EMC3: variants seen among roughly 807,000 people sequenced by gnomAD.
EMC3 encodes ER membrane protein complex subunit 3.
In EMC3, 13 loss-of-function variants were observed where a neutral mutation model predicts 36.6. The ratio of observed to expected loss-of-function variants is 0.35; its 90% confidence interval spans 0.23 to 0.56. The LOEUF is 0.56. Among genes scored for constraint, EMC3 ranks in the 20% least tolerant of loss-of-function variants. The pLI, the probability that EMC3 is intolerant of heterozygous loss-of-function variation, is 0.84. For missense variants in EMC3, 220 were observed against 324.5 expected (o/e 0.68, Z 2.47); for synonymous variants, 120 against 111.9 (o/e 1.07, Z -0.46).
intron 1 of EMC3, among the ~76,000 whole-genome samples, chr3:9,983,810 ATC>A (rs1205425812): frequency 6.6e-6 from 1 of 152,230 alleles, no homozygotes; most frequent in Non-Finnish European, 1.5e-5. Context: ...ATGGCAGAGA[ATC>A]TACGACAGCA....
At chr3:10,008,138 C>G (rs2086284169) in intron 1 of EMC3, among the ~76,000 whole-genome samples, 1 of 152,182 alleles carries the variant, frequency 6.6e-6, no homozygotes, top group Non-Finnish European at 1.5e-5. Context: ...AAGGGCCCAT[C>G]AGAGTCTGTC....
At chr3:9,988,453 AACC>A, upstream of EMC3, 1 of 1,364,998 alleles carries the variant, frequency 7.3e-7, no homozygotes, top group Non-Finnish European at 1.0e-6. Flanking sequence ...GATATGAGAA[AACC>A]ATTTCAGAAG....
At chr3:10,003,472 C>G (rs555736321) in intron 1 of EMC3, 1 of 351,582 alleles carries the variant, frequency 2.8e-6, no homozygotes, top group East Asian at 7.4e-5. Context: ...GTTTTATAGT[C>G]AGTGTAGACA....
intron 1 of EMC3, among the ~76,000 whole-genome samples, chr3:9,980,721 T>C (rs2085902240): frequency 6.6e-6 from 1 of 152,100 alleles, no homozygotes; most frequent in Non-Finnish European, 1.5e-5. Flanking sequence ...TCTTCACATA[T>C]ATGATCTTAT....
At chr3:9,978,830 AC>A (rs2085878552) in intron 1 of EMC3, among the ~76,000 whole-genome samples, 1 of 148,164 alleles carries the variant, frequency 6.7e-6, no homozygotes. Context: ...TCTCAAAAAA[AC>A]AACAACAACA....
upstream of EMC3, chr3:9,986,908 G>T (rs1176786349): frequency 1.5e-6 from 2 of 1,301,722 alleles, no homozygotes; most frequent in Non-Finnish European, 2.0e-6. Flanking sequence ...CGGGCCTGGC[G>T]GGAAAGTGGA....
At chr3:9,995,246 G>A (rs1231967632) in intron 1 of EMC3, among the ~76,000 whole-genome samples, 1 of 151,660 alleles carries the variant, frequency 6.6e-6, no homozygotes, top group Non-Finnish European at 1.5e-5. Context: ...ACTATATGGA[G>A]AAAACCTTTA....
upstream of EMC3, among the ~76,000 whole-genome samples, chr3:9,990,214 T>C (rs968063297): frequency 2.6e-5 from 4 of 151,178 alleles, no homozygotes; most frequent in Non-Finnish European, 5.9e-5. Context: ...TTAGTAGAGA[T>C]GGGGTTTCAC....
At chr3:9,965,303 G>C (rs887627010) in intron 7 of EMC3, among the ~76,000 whole-genome samples, 1 of 151,780 alleles carries the variant, frequency 6.6e-6, no homozygotes, top group African/African-American at 2.4e-5. Flanking sequence ...CTGGCTTCTC[G>C]TGTACCAGTA....
chr3:9,975,414 C>T (rs2085836324), intron 3 of EMC3, among the ~76,000 whole-genome samples: 1 of 151,988 alleles, frequency 6.6e-6, no homozygotes. Context: ...CACCTCTTGC[C>T]ACTCCCGCCA....
rs12635057 is a variant in EMC3, at chr3:9,999,127, T to C, written c.-242+11896A>G. On this transcript the variant is annotated intron_variant, in intron 1 of 8. Transcript: ENST00000470827. ...GGAGTTATTTATATATTCTGGATAT[T>C]GATCCCTTATCAGACATATGATTTG... is the stretch of plus-strand genomic sequence containing the variant. Among the ~76,000 whole-genome samples, 347 of 152,328 alleles carry C rather than the reference T, an allele frequency of 2.3e-3. 11 individuals carry two copies. In the East Asian group the frequency reaches 0.064, roughly 28 times the overall value.
chr3:9,965,416 C>CGATAGATAGATAGATA (rs57264688), intron 7 of EMC3, among the ~76,000 whole-genome samples: 213 of 145,856 alleles, frequency 1.5e-3, no homozygotes, highest in African/African-American at 2.3e-3. Context: ...GTGAGACCCT[C>CGATAGATAGATAGATA]GATAGATAGA....
At chr3:9,998,560 C>G (rs1048996983) in intron 1 of EMC3, among the ~76,000 whole-genome samples, 22 of 151,702 alleles carry the variant, frequency 1.5e-4, no homozygotes, top group African/African-American at 5.1e-4. Flanking sequence ...CTCTTGAGTA[C>G]CTGGGTCTAC....
intron 1 of EMC3, among the ~76,000 whole-genome samples, chr3:9,982,817 T>C (rs1407537041): frequency 2.0e-5 from 3 of 151,872 alleles, no homozygotes; most frequent in Non-Finnish European, 4.4e-5. Flanking sequence ...GCCTGAGATG[T>C]TGAGGCTGCA....
intron 1 of EMC3, chr3:10,007,328 C>T (rs553812076): frequency 5.1e-5 from 67 of 1,318,056 alleles, no homozygotes; most frequent in South Asian, 1.1e-4. Context: ...CTTCAGGTCC[C>T]GTCTGCCTGT....
At chr3:9,989,653 G>A (rs922542366), upstream of EMC3, among the ~76,000 whole-genome samples, 20 of 152,158 alleles carry the variant, frequency 1.3e-4, no homozygotes, top group Admixed American at 9.8e-4. Context: ...ATAACTTTTT[G>A]TGGTGAGAAA....
At chr3:9,984,841 C>A (rs1338551035) in intron 1 of EMC3, among the ~76,000 whole-genome samples, 1 of 152,176 alleles carries the variant, frequency 6.6e-6, no homozygotes, top group African/African-American at 2.4e-5. Context: ...TAAATGTCAC[C>A]CTGTGTGACG....
intron 1 of EMC3, among the ~76,000 whole-genome samples, chr3:10,000,228 G>A (rs2086181273): frequency 6.6e-6 from 1 of 150,514 alleles, no homozygotes; most frequent in Non-Finnish European, 1.5e-5. Context: ...TAGTAGAGAC[G>A]GGGGTTTCAC....
At chr3:10,006,943 C>CA in intron 1 of EMC3, 1 of 304,958 alleles carries the variant, frequency 3.3e-6, no homozygotes, top group Non-Finnish European at 6.5e-6. Flanking sequence ...CACTTTCCTG[C>CA]AAAGCTCTAT....
Sources: gnomAD v4.1 joint callset for allele counts (sites outside exome capture counted in the v4.1 genomes callset) on GRCh38, gnomAD v4.1.1 for gene constraint, MANE v1.5 for transcripts, NCBI Gene and HGNC (gene_info 2026-07-23, HGNC 2026-07-21) for gene names.